PLS3: variants seen among roughly 807,000 people sequenced by gnomAD.
The protein encoded by PLS3 is plastin-3.
In PLS3, 11 loss-of-function variants were observed where a neutral mutation model predicts 46.5. That is an observed-to-expected ratio of 0.24 (90% CI 0.15 to 0.39). PLS3 has a LOEUF of 0.39. Among genes scored for constraint, PLS3 ranks in the 10% least tolerant of loss-of-function variants. PLS3 has a pLI of 1.00. For missense variants in PLS3, 308 were observed against 461.8 expected, an observed-to-expected ratio of 0.67 and a Z score of 3.05; for synonymous variants, 167 against 162.2, an observed-to-expected ratio of 1.03 and a Z score of -0.22.
intron 1 of PLS3, among the ~76,000 whole-genome samples, chrX:115,564,690 A>G (rs1556629929): frequency 8.9e-6 from 1 of 112,599 alleles, no homozygotes; most frequent in East Asian, 2.8e-4. Context: ...CACATATGAT[A>G]AATTCATGAG....
chrX:115,576,085 A>G (rs2074246814), intron 1 of PLS3, among the ~76,000 whole-genome samples: 1 of 112,158 alleles, frequency 8.9e-6, no homozygotes, highest in Admixed American at 9.6e-5. Context: ...TGTGAAATAT[A>G]TCCATATAGA....
intron 3 of PLS3, among the ~76,000 whole-genome samples, chrX:115,623,528 ATAAAT>A (rs1483517381): frequency 2.7e-5 from 3 of 111,836 alleles, no homozygotes; most frequent in African/African-American, 9.7e-5. Flanking sequence ...CTCTAAATTA[ATAAAT>A]TAATTAATTT....
chrX:115,643,181 A>C (rs2074915667), intron 9 of PLS3, 132 bp from the exon 10 acceptor site: 1 of 458,209 alleles, frequency 2.2e-6, no homozygotes, highest in Admixed American at 3.8e-5. Context: ...TTTGCATTCA[A>C]AACAATTTTA....
chrX:115,646,960 G>A (rs934279439), intron 13 of PLS3, among the ~76,000 whole-genome samples: 1 of 112,218 alleles, frequency 8.9e-6, no homozygotes, highest in African/African-American at 3.2e-5. Flanking sequence ...TGCCATTACC[G>A]CTATTGGAAT....
At chrX:115,576,200 G>A (rs2074247747) in intron 1 of PLS3, among the ~76,000 whole-genome samples, 1 of 112,183 alleles carries the variant, frequency 8.9e-6, no homozygotes, top group African/African-American at 3.2e-5. Context: ...TATTTTGACA[G>A]TAAGTTTGAG....
At chrX:115,608,348 G>A (rs2074514927) in intron 1 of PLS3, among the ~76,000 whole-genome samples, 1 of 112,165 alleles carries the variant, frequency 8.9e-6, no homozygotes, top group Admixed American at 9.5e-5. Flanking sequence ...TGTATAGTTT[G>A]TGAAATTTAA....
chrX:115,603,600 C>CCT (rs1346698609), intron 1 of PLS3, among the ~76,000 whole-genome samples: 3 of 109,810 alleles, frequency 2.7e-5, no homozygotes, highest in Admixed American at 9.8e-5. Context: ...TTTCTCTCTC[C>CCT]CTCTCTCTCA....
intron 2 of PLS3, among the ~76,000 whole-genome samples, chrX:115,612,957 A>G (rs1387636422): frequency 1.8e-5 from 2 of 112,130 alleles, no homozygotes; most frequent in Admixed American, 1.9e-4. Flanking sequence ...ATACATAACT[A>G]TTTCTAAAGA....
intron 15 of PLS3, 33 bp downstream of exon 15, chrX:115,648,050 G>A: frequency 1.9e-6 from 2 of 1,065,880 alleles, no homozygotes; most frequent in Non-Finnish European, 2.6e-6. Flanking sequence ...TGAAAAGAAC[G>A]CAGCTTTGTA....
chrX:115,638,939 C>A (rs2074867225), intron 8 of PLS3, among the ~76,000 whole-genome samples: 1 of 110,464 alleles, frequency 9.1e-6, no homozygotes, highest in Admixed American at 9.7e-5. Context: ...TGGTCTCGAT[C>A]TCCTGACCTC....
intron 1 of PLS3, among the ~76,000 whole-genome samples, chrX:115,607,156 G>A (rs903815382): frequency 1.8e-5 from 2 of 110,813 alleles, no homozygotes; most frequent in Non-Finnish European, 1.9e-5. Context: ...GGGAAGCTGA[G>A]GAGGGAGAAT....
intron 1 of PLS3, among the ~76,000 whole-genome samples, chrX:115,603,219 TA>T (rs1328405653): frequency 2.7e-5 from 3 of 111,744 alleles, no homozygotes; most frequent in African/African-American, 9.8e-5. Context: ...TTCATAGGCA[TA>T]AGATTCTTCT....
intron 1 of PLS3, among the ~76,000 whole-genome samples, chrX:115,604,318 A>G (rs2074471098): frequency 8.9e-6 from 1 of 112,211 alleles, no homozygotes; most frequent in South Asian, 3.7e-4. Flanking sequence ...TTCACAATTA[A>G]CCCAAGCATT....
intron 3 of PLS3, among the ~76,000 whole-genome samples, chrX:115,624,728 CT>C (rs2074693522): frequency 8.9e-6 from 1 of 111,820 alleles, no homozygotes; most frequent in African/African-American, 3.2e-5. Flanking sequence ...TTAGTATATT[CT>C]TTAAAAGTAA....
chrX:115,634,850 G>T (rs781932989), intron 6 of PLS3, 31 bp from the exon 7 acceptor site: 1 of 1,183,340 alleles, frequency 8.5e-7, no homozygotes, highest in Non-Finnish European at 1.1e-6. Context: ...GAAAGGTCAA[G>T]AAGCAAGTGT....
At chrX:115,587,607 C>T (rs1323342349) in intron 1 of PLS3, among the ~76,000 whole-genome samples, 1 of 110,644 alleles carries the variant, frequency 9.0e-6, no homozygotes, top group Admixed American at 9.6e-5. Flanking sequence ...TGGTGGCGGG[C>T]ACCTGTAGTC....
chrX:115,592,245 C>T (rs1556633229), intron 1 of PLS3, among the ~76,000 whole-genome samples: 1 of 112,059 alleles, frequency 8.9e-6, no homozygotes, highest in East Asian at 2.8e-4. Context: ...TGGCATTATG[C>T]ATGCTTTATC....
chrX:115,561,735 C>G (rs940681534), intron 1 of PLS3, among the ~76,000 whole-genome samples: 1 of 110,489 alleles, frequency 9.1e-6, no homozygotes, highest in Admixed American at 9.6e-5. Context: ...AGCCAGCAGC[C>G]TGCTACTCCT....
intron 3 of PLS3, among the ~76,000 whole-genome samples, chrX:115,627,768 A>T (rs2074725268): frequency 8.9e-6 from 1 of 111,904 alleles, no homozygotes; most frequent in South Asian, 3.7e-4. Context: ...AGACACACAC[A>T]GACATTTATT....
Sources: allele counts gnomAD v4.1 joint callset (sites outside exome capture counted in the v4.1 genomes callset), GRCh38; gene constraint gnomAD v4.1.1; transcripts MANE v1.5; gene names NCBI Gene and HGNC (gene_info 2026-07-23, HGNC 2026-07-21).